OR2C1: variants seen among roughly 807,000 people sequenced by gnomAD.
The protein encoded by OR2C1 is olfactory receptor 2C1.
For synonymous variants in OR2C1, 209 were observed against 167.3 expected (o/e 1.25, Z -1.92); for missense variants, 468 against 388.3 (o/e 1.21, Z -1.73).
the OR2C1 span, chr16:3,323,076 A>G: frequency 3.7e-6 from 2 of 543,392 alleles, no homozygotes; most frequent in African/African-American, 4.0e-5. Context: ...GTTTTTGAAG[A>G]TAAAGCAGGA....
chr16:3,353,983 C>CTTT (rs1001983184), upstream of OR2C1, among the ~76,000 whole-genome samples: 26 of 115,466 alleles, frequency 2.3e-4, no homozygotes, highest in African/African-American at 7.6e-4. Context: ...CTTTTCTTTT[C>CTTT]TTTTTTTTTT....
chr16:3,335,741 G>T, the OR2C1 span, among the ~76,000 whole-genome samples: 3 of 151,836 alleles, frequency 2.0e-5, no homozygotes. Context: ...TGGCAAGACT[G>T]GGCTACTACT....
chr16:3,335,222 T>C, the OR2C1 span, among the ~76,000 whole-genome samples: 1 of 152,222 alleles, frequency 6.6e-6, no homozygotes, highest in Admixed American at 6.5e-5. Context: ...AAGAATGTCA[T>C]TGGCATTTTG....
the OR2C1 span, among the ~76,000 whole-genome samples, chr16:3,329,598 C>T: frequency 8.6e-5 from 13 of 151,444 alleles, no homozygotes; most frequent in Non-Finnish European, 1.3e-4. Context: ...TACAGATGCC[C>T]GCCACCACAC....
Position 3,356,645 on chromosome 16 carries a change from A to G in OR2C1, c.705A>G (p.Arg235=). ...AAATCCGCTCTGCAGAGGGGAGGCG[A>G]AAGGCGTTCAATACGTGCCTCTCCC... The part of the protein sequence containing the change: ...VLKIRSAEGR[R]KAFNTCLSHL... The change falls in exon 1 of 1, where the codon CGA becomes CGG. Residue 235 remains arginine, a synonymous_variant. Coordinates refer to ENST00000304936, the MANE Select transcript of OR2C1 (RefSeq NM_012368.3). 6.2e-7 allele frequency: 1 copy of G among 1,614,120 alleles called. No individual in the cohort carries two copies. The highest frequency in any genetic ancestry group is 8.5e-7 in the Non-Finnish European group (1 of 1,180,008).
chr16:3,329,606 C>T, the OR2C1 span, among the ~76,000 whole-genome samples: 1 of 150,026 alleles, frequency 6.7e-6, no homozygotes, highest in African/African-American at 2.5e-5. Context: ...CCCGCCACCA[C>T]ACCCGGCTAA....
the OR2C1 span, among the ~76,000 whole-genome samples, chr16:3,327,722 C>T: frequency 6.6e-6 from 1 of 151,922 alleles, no homozygotes; most frequent in African/African-American, 2.4e-5. Flanking sequence ...TCAGTGGCAT[C>T]GGTTAATTAG....
the OR2C1 span, among the ~76,000 whole-genome samples, chr16:3,326,697 C>T: frequency 6.6e-6 from 1 of 152,164 alleles, no homozygotes; most frequent in Non-Finnish European, 1.5e-5. Flanking sequence ...GACAATGGCT[C>T]AGGGTTAGGC....
At chr16:3,336,674 C>CTTT in the OR2C1 span, among the ~76,000 whole-genome samples, 843 of 116,248 alleles carry the variant, frequency 7.3e-3, 13 homozygotes, top group African/African-American at 0.02. Flanking sequence ...GTTTCTTTTT[C>CTTT]TTTTTTTTTT....
the OR2C1 span, among the ~76,000 whole-genome samples, chr16:3,327,438 A>G: frequency 2.0e-5 from 3 of 152,050 alleles, no homozygotes; most frequent in Admixed American, 2.0e-4. Context: ...GCTCATTGAG[A>G]ACACAGGAGC....
chr16:3,352,811 A>G (rs1284536564), upstream of OR2C1, among the ~76,000 whole-genome samples: 1 of 146,438 alleles, frequency 6.8e-6, no homozygotes, highest in African/African-American at 2.5e-5. Context: ...GCATTATCTC[A>G]GCTCACTGCA....
chr16:3,330,783 C>T, the OR2C1 span, among the ~76,000 whole-genome samples: 9 of 152,070 alleles, frequency 5.9e-5, no homozygotes, highest in Admixed American at 5.2e-4. Flanking sequence ...TATTTTGTAG[C>T]CCAGGCTGCA....
At chr16:3,331,607 G>A in the OR2C1 span, among the ~76,000 whole-genome samples, 14,319 of 151,234 alleles carry the variant, frequency 0.095, 912 homozygotes, top group Non-Finnish European at 0.15. Flanking sequence ...TCTCCATATG[G>A]CTAGCCAGTT....
chr16:3,350,249 T>G, the OR2C1 span, among the ~76,000 whole-genome samples: 41 of 142,792 alleles, frequency 2.9e-4, no homozygotes, highest in Middle Eastern at 3.9e-3. Context: ...AGAGAGGGGG[T>G]TTCCCATGTT....
chr16:3,330,426 CT>C, the OR2C1 span, among the ~76,000 whole-genome samples: 1 of 152,046 alleles, frequency 6.6e-6, no homozygotes, highest in Non-Finnish European at 1.5e-5. Flanking sequence ...GATTTTAAGA[CT>C]TTTTCTAAAG....
At chr16:3,353,383 T>G (rs531174634), upstream of OR2C1, among the ~76,000 whole-genome samples, 21 of 148,988 alleles carry the variant, frequency 1.4e-4, no homozygotes, top group Admixed American at 8.1e-4. Context: ...CCCAGCTACT[T>G]GAGAGGCTGA....
the OR2C1 span, among the ~76,000 whole-genome samples, chr16:3,336,371 C>CT: frequency 0.01 from 1,584 of 151,422 alleles, 10 homozygotes; most frequent in African/African-American, 0.014. Flanking sequence ...TTCTTTCTTT[C>CT]TTTTTTTTGA....
At chr16:3,337,977 G>A in the OR2C1 span, among the ~76,000 whole-genome samples, 4 of 152,162 alleles carry the variant, frequency 2.6e-5, no homozygotes, top group Admixed American at 2.0e-4. Flanking sequence ...CCCTAGGTAG[G>A]TCACTGCGTC....
rs781420151 is a variant in OR2C1, at chr16:3,356,421, A to G, written c.481A>G (p.Thr161Ala). The G allele has an allele frequency of 3.1e-6, 5 of 1,613,838 alleles. No individual in the cohort carries two copies. Among genetic ancestry groups the G allele is most frequent in the South Asian group, 2.2e-5 (2 of 91,090 alleles). ...GGLGNSVIQSTFTLQLPLCGH... is the reference protein window; with the variant it reads ...GGLGNSVIQSAFTLQLPLCGH... ...CTTGGGCAACTCTGTGATCCAGTCA[A>G]CATTCACTCTGCAGCTCCCATTGTG... The change falls in exon 1 of 1, where the codon ACA (threonine) becomes GCA (alanine). Residue 161 changes from threonine (T) to alanine (A), a missense_variant. Thr to Ala is a moderately conservative substitution (Grantham distance 58). Transcript: ENST00000304936.
Sources: gnomAD v4.1 joint callset for allele counts (sites outside exome capture counted in the v4.1 genomes callset) on GRCh38, gnomAD v4.1.1 for gene constraint, MANE v1.5 for transcripts, NCBI Gene and HGNC (gene_info 2026-07-23, HGNC 2026-07-21) for gene names.